PLG: variants seen among roughly 807,000 people sequenced by gnomAD.
PLG encodes the protein plasminogen.
In PLG, 41 loss-of-function variants were observed where a neutral mutation model predicts 104.4. The observed-to-expected ratio is 0.39, with a 90% CI of 0.31 to 0.51. The LOEUF is 0.51. PLG is among the 20% of genes least tolerant of loss of function. PLG has a pLI of 0.76. For missense variants in PLG, 891 were observed against 1,003.6 expected (o/e 0.89, Z 1.52); for synonymous variants, 337 against 357.1 (o/e 0.94, Z 0.63).
At chr6:160,715,039 A>G in intron 6 of PLG, 125 bp downstream of exon 6, 1 of 939,578 alleles carries the variant, frequency 1.1e-6, no homozygotes, top group Non-Finnish European at 1.7e-6. Flanking sequence ...TTAATTTCAA[A>G]GCTAACCTCC....
intron 7 of PLG, 52 bp from the exon 8 acceptor site, chr6:160,718,242 C>T: frequency 1.3e-6 from 2 of 1,515,420 alleles, no homozygotes; most frequent in Non-Finnish European, 1.8e-6. Flanking sequence ...CAGAGCGAGA[C>T]TCCGTCTCAA....
chr6:160,750,413 A>C (rs896435355), intron 17 of PLG, among the ~76,000 whole-genome samples: 3 of 152,222 alleles, frequency 2.0e-5, no homozygotes, highest in African/African-American at 4.8e-5. Flanking sequence ...CCAGCAACTC[A>C]TGGTGGGTTT....
chr6:160,702,207 A>G, upstream of PLG: 1 of 1,373,180 alleles, frequency 7.3e-7, no homozygotes, highest in Non-Finnish European at 1.0e-6. Flanking sequence ...CATTAACTTA[A>G]TTTGACTATC....
intron 10 of PLG, among the ~76,000 whole-genome samples, chr6:160,727,509 G>C (rs1244397317): frequency 6.7e-6 from 1 of 149,072 alleles, no homozygotes; most frequent in Admixed American, 6.7e-5. Flanking sequence ...AGAAACTATA[G>C]CACATTATGT....
At chr6:160,721,264 T>C (rs775995758) in intron 9 of PLG, among the ~76,000 whole-genome samples, 1 of 152,192 alleles carries the variant, frequency 6.6e-6, no homozygotes, top group Non-Finnish European at 1.5e-5. Flanking sequence ...CCCCTTGGGT[T>C]TTTTGGTGTG....
intron 1 of PLG, among the ~76,000 whole-genome samples, chr6:160,704,491 A>G (rs1422067714): frequency 3.3e-5 from 5 of 152,216 alleles, no homozygotes; most frequent in Non-Finnish European, 7.3e-5. Context: ...CACTTTGTGG[A>G]TTTATTGTGT....
intron 17 of PLG, among the ~76,000 whole-genome samples, chr6:160,746,818 G>C (rs887281961): frequency 6.6e-6 from 1 of 152,136 alleles, no homozygotes; most frequent in Admixed American, 6.5e-5. Context: ...ATTTGTAGTT[G>C]ATTTCTTGTC....
intron 7 of PLG, among the ~76,000 whole-genome samples, chr6:160,717,662 C>A (rs535840045): frequency 2.0e-5 from 3 of 152,116 alleles, no homozygotes; most frequent in South Asian, 4.2e-4. Flanking sequence ...AGAGAGTGGA[C>A]CTTTGGTGTA....
Position 160,752,892 on chromosome 6 carries a change from C to A in PLG, c.2272-8C>A. On this transcript the variant is annotated splice_region_variant and splice_polypyrimidine_tract_variant and intron_variant, in intron 18 of 18. Transcript: ENST00000308192. The surrounding 1 kb of genome is among the most constrained non-coding windows in gnomAD (Gnocchi z 4.7). Reference sequence around the variant, plus strand: ...CCCTCACATGCATTTTTCTCTCCCTCTGTATAGGGTGACAGTGGAGGTCCT... The same window carrying A: ...CCCTCACATGCATTTTTCTCTCCCTATGTATAGGGTGACAGTGGAGGTCCT... The A allele has an allele frequency of 6.2e-7, 1 of 1,613,712 alleles. No homozygotes were observed. Among genetic ancestry groups the A allele is most frequent in the African/African-American group, 1.3e-5 (1 of 75,028 alleles).
In PLG at chr6:160,739,359, A is replaced by G. The variant is rs531416426; in HGVS notation, c.2018+151A>G. The G allele has an allele frequency of 7.5e-5, 75 of 998,232 alleles. No homozygotes were observed. In the African/African-American group the frequency reaches 9.9e-4, roughly 13 times the overall value. The allele number at this position is 998,232 out of a possible 1,614,324, so 61.8% of individuals were successfully genotyped here. On this transcript the variant is annotated intron_variant, in intron 16 of 18. Transcript: ENST00000308192. The surrounding 1 kb of genome is among the most constrained non-coding windows in gnomAD (Gnocchi z 4.4). ...GCTTTGGGGACAGCATCAATCTTCAACCCTAGCCCTGCCACATGCTAGCTG... is the reference window on the plus strand; with the variant it reads ...GCTTTGGGGACAGCATCAATCTTCAGCCCTAGCCCTGCCACATGCTAGCTG...
chr6:160,733,481 C>T (rs919891264), intron 12 of PLG, among the ~76,000 whole-genome samples: 3 of 151,918 alleles, frequency 2.0e-5, no homozygotes, highest in Admixed American at 6.6e-5. Flanking sequence ...TGAACAGGGG[C>T]ACAGGAAGGA....
At position 160,739,105 on chromosome 6, in the gene PLG, G is replaced by A; in HGVS notation, c.1915G>A (p.Ala639Thr). The A allele has an allele frequency of 6.2e-7, 1 of 1,614,058 alleles. No individual in the cohort carries two copies. The highest frequency in any genetic ancestry group is 8.5e-7 in the Non-Finnish European group (1 of 1,179,992). The change falls in exon 16 of 19, where the codon GCA becomes ACA. Residue 639 changes from alanine to threonine, a missense_variant. Around this residue, in one of 2 missense-constraint regions of PLG, gnomAD observed 854 missense variants for 932.1 expected, o/e 0.92. Transcript: ENST00000308192. The surrounding 1 kb of genome is among the most constrained non-coding windows in gnomAD (Gnocchi z 4.4). ...TTCATCCTACAAGGTCATCCTGGGT[G>A]CACACCAAGAAGTGAATCTCGAACC... ...RPSSYKVILG[A>T]HQEVNLEPHV...
At chr6:160,716,027 A>G (rs775629361) in intron 6 of PLG, among the ~76,000 whole-genome samples, 3 of 152,258 alleles carry the variant, frequency 2.0e-5, no homozygotes, top group Non-Finnish European at 4.4e-5. Flanking sequence ...TTGCAAGAGC[A>G]CAGCTTCTCC....
At chr6:160,727,301 A>T (rs1777935253) in intron 10 of PLG, among the ~76,000 whole-genome samples, 1 of 151,806 alleles carries the variant, frequency 6.6e-6, no homozygotes, top group Admixed American at 6.6e-5. Context: ...ATATGTTAAT[A>T]TATATTAATA....
chr6:160,721,817 G>A (rs998899262), intron 9 of PLG, among the ~76,000 whole-genome samples: 3 of 152,178 alleles, frequency 2.0e-5, no homozygotes, highest in African/African-American at 7.2e-5. Flanking sequence ...GAAAGAAAGA[G>A]TAGTAGGCTT....
At chr6:160,710,841 C>A (rs566418235) in intron 3 of PLG, among the ~76,000 whole-genome samples, 13 of 152,326 alleles carry the variant, frequency 8.5e-5, no homozygotes, top group African/African-American at 3.1e-4. Flanking sequence ...CCCCGTGTGT[C>A]CCCAGCATCC....
Position 160,737,077 on chromosome 6 carries a change from C to T in PLG, c.1802+70C>T. On this transcript the variant is annotated intron_variant, in intron 14 of 18. Transcript: ENST00000308192. This position sits in a 1 kb window ranked among gnomAD's most constrained non-coding sequence, Gnocchi z 4.7. ...GCCCTGCAAAACCCTTCTACATTTA[C>T]ATAAAATCCACACAGCTGAGGCATC... is the stretch of plus-strand genomic sequence containing the variant. The T allele has an allele frequency of 6.3e-7, 1 of 1,599,832 alleles. No individual in the cohort carries two copies. Among genetic ancestry groups the T allele is most frequent in the South Asian group, 1.1e-5 (1 of 90,108 alleles).
chr6:160,731,270 G>T lies in PLG; in HGVS notation c.1438+38G>T. On this transcript the variant is annotated intron_variant, in intron 11 of 18. Transcript: ENST00000308192. The surrounding 1 kb of genome is among the most constrained non-coding windows in gnomAD (Gnocchi z 5.1). ...TGGCTGGACATCTACACACTTGGACGCTGGGATGAAAAGCCATGGAAAATC... is the reference window on the plus strand; with the variant it reads ...TGGCTGGACATCTACACACTTGGACTCTGGGATGAAAAGCCATGGAAAATC... The T allele has an allele frequency of 6.5e-7, 1 of 1,539,112 alleles. No individual in the cohort carries two copies. The highest frequency in any genetic ancestry group is 2.2e-5 in the East Asian group (1 of 44,592).
chr6:160,732,767 G>A lies in PLG; in HGVS notation c.1587+874G>A, dbSNP rs572726373. Reference sequence around the variant, plus strand: ...GAACAGCCAGACAGAAGAGATGCACGGGGCAAGGCATGTGAGAAGGGGCTC... The same window carrying A: ...GAACAGCCAGACAGAAGAGATGCACAGGGCAAGGCATGTGAGAAGGGGCTC... On this transcript the variant is annotated intron_variant, in intron 12 of 18. Transcript: ENST00000308192. The surrounding 1 kb of genome is among the most constrained non-coding windows in gnomAD (Gnocchi z 4.5). Among the ~76,000 whole-genome samples, 2 of 152,138 alleles carry A rather than the reference G, an allele frequency of 1.3e-5. No individual in the cohort carries two copies. The highest frequency in any genetic ancestry group is 2.9e-5 in the Non-Finnish European group (2 of 68,026).
Sources: allele counts gnomAD v4.1 joint callset (sites outside exome capture counted in the v4.1 genomes callset), GRCh38; gene constraint gnomAD v4.1.1; regional missense constraint gnomAD v4.1.1; non-coding constraint Gnocchi (gnomAD v3.1); transcripts MANE v1.5; gene names NCBI Gene and HGNC (gene_info 2026-07-23, HGNC 2026-07-21).